The following ST6GAL2 variants were observed in gnomAD, a reference collection of about 807,000 sequenced individuals.
The protein encoded by ST6GAL2 is ST6 beta-galactoside alpha-2,6-sialyltransferase 2.
In ST6GAL2, 24 loss-of-function variants were observed where a neutral mutation model predicts 37.5. The observed-to-expected ratio is 0.64, with a 90% CI of 0.46 to 0.90. The LOEUF is 0.90. ST6GAL2 is among the 40% of genes least tolerant of loss of function. ST6GAL2 has a pLI of 0.00. For missense variants in ST6GAL2, 715 were observed against 712.7 expected, an observed-to-expected ratio of 1.00 and a Z score of -0.04; for synonymous variants, 306 against 295.1, an observed-to-expected ratio of 1.04 and a Z score of -0.38.
chr2:106,882,550 T>G (rs922005279), intron 1 of ST6GAL2, among the ~76,000 whole-genome samples: 1 of 152,230 alleles, frequency 6.6e-6, no homozygotes, highest in Admixed American at 6.5e-5. Context: ...TGCACAGGAA[T>G]TAGCTTTTAA....
chr2:106,844,607 C>T (rs1420774297), intron 1 of ST6GAL2, among the ~76,000 whole-genome samples: 1 of 152,202 alleles, frequency 6.6e-6, no homozygotes, highest in African/African-American at 2.4e-5. Context: ...CCACCGATGG[C>T]ACTGAATAAA....
At chr2:106,886,670 G>C (rs534169439), upstream of ST6GAL2, 26 of 150,784 alleles carry the variant, frequency 1.7e-4, no homozygotes, top group African/African-American at 5.6e-4. Flanking sequence ...CCCGAGCTCC[G>C]CTCGCCCCAG....
At chr2:106,884,183 C>A (rs1678866508) in intron 1 of ST6GAL2, among the ~76,000 whole-genome samples, 1 of 152,146 alleles carries the variant, frequency 6.6e-6, no homozygotes, top group African/African-American at 2.4e-5. Flanking sequence ...GCAGTCCCTT[C>A]GCTATTTAAT....
chr2:106,813,195 C>T (rs1675676848), intron 5 of ST6GAL2: 3 of 1,366,250 alleles, frequency 2.2e-6, no homozygotes, highest in Non-Finnish European at 2.8e-6. Context: ...TCACTGCAAG[C>T]TCTGATATGG....
chr2:106,868,141 C>T (rs1348150287), intron 1 of ST6GAL2, among the ~76,000 whole-genome samples: 1 of 152,166 alleles, frequency 6.6e-6, no homozygotes, highest in Non-Finnish European at 1.5e-5. Flanking sequence ...GAGCCCAGCA[C>T]AGTTGTGCTG....
At chr2:106,848,183 T>C (rs1044877550) in intron 1 of ST6GAL2, among the ~76,000 whole-genome samples, 3 of 152,032 alleles carry the variant, frequency 2.0e-5, no homozygotes, top group African/African-American at 7.2e-5. Flanking sequence ...ACCCTGCAAT[T>C]TCATCTGATT....
intron 2 of ST6GAL2, among the ~76,000 whole-genome samples, chr2:106,842,539 C>T (rs577929939): frequency 6.6e-5 from 10 of 152,316 alleles, no homozygotes; most frequent in African/African-American, 2.2e-4. Flanking sequence ...ATGCACCCTG[C>T]TCTTTGGAGC....
At chr2:106,807,013 G>T (rs1245487321) in intron 5 of ST6GAL2, 64 bp from the exon 6 acceptor site, 12 of 1,429,550 alleles carry the variant, frequency 8.4e-6, no homozygotes, top group East Asian at 2.4e-5. Flanking sequence ...TGAGTTTTTT[G>T]GGGGAGGGGT....
intron 1 of ST6GAL2, among the ~76,000 whole-genome samples, chr2:106,867,387 C>G (rs985900648): frequency 1.3e-5 from 2 of 152,194 alleles, no homozygotes; most frequent in African/African-American, 4.8e-5. Context: ...TATCCCTCTT[C>G]CTTTTTCTTA....
rs556593568 is a variant in ST6GAL2, at chr2:106,804,437, G to A, written c.*2241C>T. The A allele has an allele frequency of 6.6e-6, 1 of 152,256 alleles. No individual in the cohort carries two copies. The highest frequency in any genetic ancestry group is 1.9e-4 in the East Asian group (1 of 5,180). 9.4% of individuals were successfully genotyped at this position (152,256 alleles called of 1,614,324 possible). A position where few individuals can be genotyped will look rare whatever the true frequency, so the allele number is the denominator to read the frequency against. On this transcript the variant is annotated 3_prime_UTR_variant, in exon 6 of 6. Transcript: ENST00000409382. ...GGAAGATCTAGAAAGATCCAAGGAG[G>A]GTAGGGAGTAATATTCATCCACCAC...
At chr2:106,848,138 G>A (rs180946894) in intron 1 of ST6GAL2, among the ~76,000 whole-genome samples, 4 of 150,904 alleles carry the variant, frequency 2.7e-5, no homozygotes, top group Admixed American at 6.6e-5. Context: ...TCTGCCAACC[G>A]GGTTCAAGTG....
In ST6GAL2 at chr2:106,804,228, T is replaced by TA. The variant is rs977809146; in HGVS notation, c.*2449dup. 6.6e-6 allele frequency: 1 copy of TA among 152,200 alleles called. No individual in the cohort carries two copies. The highest frequency in any genetic ancestry group is 6.5e-5 in the Admixed American group (1 of 15,282). The allele number at this position is 152,200 out of a possible 1,614,324, so 9.4% of individuals were successfully genotyped here. A position where few individuals can be genotyped will look rare whatever the true frequency, so the allele number is the denominator to read the frequency against. On this transcript the variant is annotated 3_prime_UTR_variant, in exon 6 of 6. Transcript: ENST00000409382. ...ACAATGACTACGACAAAATTCCATT[T>TA]AAAAATCTTTAAAGTGTTGGGTTCT...
chr2:106,843,600 C>A lies in ST6GAL2; in HGVS notation c.378G>T (p.Pro126=). 1 of 1,613,996 alleles carries A rather than the reference C, an allele frequency of 6.2e-7. No homozygotes were observed. Among genetic ancestry groups the A allele is most frequent in the Non-Finnish European group, 8.5e-7 (1 of 1,180,028 alleles). ...VGRKSQSAFY[P]EDDDYFFAAG... ...CAGCAAAAAAGTAGTCGTCATCCTC[C>A]GGGTAGAAAGCACTTTGAGATTTTC... The change falls in exon 2 of 6, where the codon CCG becomes CCT. Residue 126 remains proline (P), a synonymous_variant. Transcript: ENST00000409382.
chr2:106,810,622 A>G (rs1043988308), intron 5 of ST6GAL2, among the ~76,000 whole-genome samples: 2 of 152,194 alleles, frequency 1.3e-5, no homozygotes, highest in Non-Finnish European at 2.9e-5. Flanking sequence ...GTATGGAGGC[A>G]TCTTCCAAAA....
chr2:106,885,882 G>C (rs1045315710), intron 1 of ST6GAL2: 1 of 152,220 alleles, frequency 6.6e-6, no homozygotes, highest in Non-Finnish European at 1.5e-5. Context: ...CTGAGCCACA[G>C]GGGCACAACT....
intron 5 of ST6GAL2, among the ~76,000 whole-genome samples, chr2:106,827,853 T>A (rs943580273): frequency 6.6e-6 from 1 of 152,208 alleles, no homozygotes; most frequent in African/African-American, 2.4e-5. Context: ...TGCTTATTAG[T>A]ATTTCCATTT....
At chr2:106,838,865 A>G (rs1341737761) in intron 2 of ST6GAL2, among the ~76,000 whole-genome samples, 1 of 151,904 alleles carries the variant, frequency 6.6e-6, no homozygotes, top group Non-Finnish European at 1.5e-5. Flanking sequence ...ATGAAACCCC[A>G]TCTCTACTAA....
chr2:106,850,630 G>C (rs935957463), intron 1 of ST6GAL2, among the ~76,000 whole-genome samples: 4 of 152,106 alleles, frequency 2.6e-5, no homozygotes, highest in Non-Finnish European at 5.9e-5. Context: ...CAGAAATCAC[G>C]ATCTGCATCA....
intron 1 of ST6GAL2, among the ~76,000 whole-genome samples, chr2:106,882,236 T>C (rs1457499052): frequency 6.6e-6 from 1 of 152,236 alleles, no homozygotes; most frequent in African/African-American, 2.4e-5. Context: ...ATAGTCTTAG[T>C]TGGTCTCTGG....
Sources: gnomAD v4.1 joint callset for allele counts (sites outside exome capture counted in the v4.1 genomes callset) on GRCh38, gnomAD v4.1.1 for gene constraint, MANE v1.5 for transcripts, NCBI Gene and HGNC (gene_info 2026-07-23, HGNC 2026-07-21) for gene names.